IL1RAPL1: variants seen among roughly 807,000 people sequenced by gnomAD.
The protein encoded by IL1RAPL1 is interleukin-1 receptor accessory protein-like 1.
Under a neutral mutation model 48.4 loss-of-function variants are expected in IL1RAPL1, and 3 were observed. The observed-to-expected ratio is 0.06, with a 90% confidence interval of 0.03 to 0.16. IL1RAPL1 has a LOEUF of 0.16. Ranked by LOEUF, IL1RAPL1 falls within the 10% of genes least tolerant of loss-of-function variation. The pLI is 1.00. For missense variants in IL1RAPL1, 349 were observed against 530.6 expected (o/e 0.66, Z 3.36); for synonymous variants, 185 against 187.7 (o/e 0.99, Z 0.12).
intron 2 of IL1RAPL1, among the ~76,000 whole-genome samples, chrX:29,151,878 A>T (rs1929474199): frequency 9.0e-6 from 1 of 111,619 alleles, no homozygotes; most frequent in Non-Finnish European, 1.9e-5. Flanking sequence ...GAGAAAAGAT[A>T]CTGGCCAGGG....
chrX:29,734,868 G>T (rs1384156190), intron 6 of IL1RAPL1, among the ~76,000 whole-genome samples: 1 of 111,492 alleles, frequency 9.0e-6, no homozygotes, highest in African/African-American at 3.3e-5. Context: ...ATTCCCAGGG[G>T]AAAGCACCTG....
chrX:29,019,759 A>G (rs1450188285), intron 2 of IL1RAPL1, among the ~76,000 whole-genome samples: 1 of 112,422 alleles, frequency 8.9e-6, no homozygotes, highest in Non-Finnish European at 1.9e-5. Context: ...GCCTTTACAT[A>G]TTCCAGAAGT....
At chrX:29,490,212 AT>A (rs1290509722) in intron 5 of IL1RAPL1, among the ~76,000 whole-genome samples, 1 of 111,196 alleles carries the variant, frequency 9.0e-6, no homozygotes, top group Admixed American at 9.6e-5. Flanking sequence ...TAAAATTAAA[AT>A]TTAAAAAAAA....
At chrX:28,835,087 A>G (rs5943559) in intron 2 of IL1RAPL1, among the ~76,000 whole-genome samples, 54,578 of 110,452 alleles carry the variant, frequency 0.49, 10,640 homozygotes, top group East Asian at 0.8. Flanking sequence ...AAGAGGTATA[A>G]TGTTTGACCT....
At chrX:29,723,274 G>T (rs1383636726) in intron 6 of IL1RAPL1, among the ~76,000 whole-genome samples, 2 of 112,067 alleles carry the variant, frequency 1.8e-5, no homozygotes, top group Non-Finnish European at 3.8e-5. Context: ...TTTGAGAAAG[G>T]GTCTTGCTCT....
intron 2 of IL1RAPL1, among the ~76,000 whole-genome samples, chrX:29,079,747 C>T (rs1201935729): frequency 1.8e-5 from 2 of 110,656 alleles, no homozygotes; most frequent in Non-Finnish European, 3.8e-5. Context: ...ACATTTTTTT[C>T]TGAATGTAAG....
At chrX:29,602,887 C>T (rs1228081079) in intron 5 of IL1RAPL1, among the ~76,000 whole-genome samples, 1 of 106,497 alleles carries the variant, frequency 9.4e-6, no homozygotes, top group African/African-American at 3.5e-5. Flanking sequence ...TTGCATATAT[C>T]ATATAATCAT....
intron 6 of IL1RAPL1, among the ~76,000 whole-genome samples, chrX:29,750,207 A>G (rs1928425969): frequency 8.9e-6 from 1 of 112,277 alleles, no homozygotes; most frequent in Admixed American, 9.5e-5. Flanking sequence ...ACGTAAGAAC[A>G]TGAAACATTA....
intron 2 of IL1RAPL1, among the ~76,000 whole-genome samples, chrX:29,080,924 TTTTCTTTCTTTCTTTCTTTC>T (rs1270246223): frequency 2.1e-4 from 14 of 67,899 alleles, no homozygotes; most frequent in South Asian, 8.3e-4. Flanking sequence ...TTTAAATATT[TTTTCTTTCTTTCTTTCTTTC>T]TTTCTTTCTT....
chrX:29,915,824 G>A (rs1340074742), intron 6 of IL1RAPL1, among the ~76,000 whole-genome samples: 1 of 79,849 alleles, frequency 1.3e-5, no homozygotes, highest in African/African-American at 4.9e-5. Context: ...ATGTATACAT[G>A]TGCCATGCTG....
intron 1 of IL1RAPL1, among the ~76,000 whole-genome samples, chrX:28,764,235 C>T (rs927588908): frequency 1.8e-5 from 2 of 110,728 alleles, no homozygotes; most frequent in African/African-American, 3.3e-5. Flanking sequence ...AATGGGGCCA[C>T]GAGAATTCCA....
chrX:29,263,865 C>G (rs946224777), intron 2 of IL1RAPL1, among the ~76,000 whole-genome samples: 9 of 99,086 alleles, frequency 9.1e-5, no homozygotes, highest in East Asian at 3.6e-4. Context: ...CTCTCTCCCC[C>G]CCCCCCGCTC....
intron 3 of IL1RAPL1, among the ~76,000 whole-genome samples, chrX:29,363,381 C>G (rs1377058563): frequency 1.8e-5 from 2 of 111,466 alleles, no homozygotes; most frequent in Non-Finnish European, 3.8e-5. Context: ...GTACTATCAT[C>G]CCAAACATAG....
At chrX:28,742,835 A>C in intron 1 of IL1RAPL1, among the ~76,000 whole-genome samples, 1 of 111,731 alleles carries the variant, frequency 9.0e-6, no homozygotes, top group East Asian at 2.8e-4. Flanking sequence ...TGAAGAGTGC[A>C]AAGAACATAC....
chrX:29,297,821 C>T (rs1932471965), intron 3 of IL1RAPL1, among the ~76,000 whole-genome samples: 2 of 111,851 alleles, frequency 1.8e-5, no homozygotes, highest in South Asian at 7.3e-4. Flanking sequence ...CCTTTATTTA[C>T]TTAAAAAAGT....
intron 5 of IL1RAPL1, among the ~76,000 whole-genome samples, chrX:29,508,405 G>C (rs1935358960): frequency 9.0e-6 from 1 of 111,469 alleles, no homozygotes. Flanking sequence ...AAATTCAATG[G>C]TTACTGAATG....
At chrX:28,856,247 A>T (rs765371352) in intron 2 of IL1RAPL1, among the ~76,000 whole-genome samples, 31 of 111,828 alleles carry the variant, frequency 2.8e-4, no homozygotes, top group African/African-American at 9.7e-4. Context: ...TATGTGACTG[A>T]GAGTTCTCCC....
chrX:29,530,930 A>G (rs1162438169), intron 5 of IL1RAPL1, among the ~76,000 whole-genome samples: 1 of 112,218 alleles, frequency 8.9e-6, no homozygotes, highest in Non-Finnish European at 1.9e-5. Flanking sequence ...TCATCTGTAA[A>G]ATAGGGGCAG....
intron 5 of IL1RAPL1, among the ~76,000 whole-genome samples, chrX:29,618,030 A>G (rs1052768665): frequency 2.7e-5 from 3 of 111,842 alleles, no homozygotes; most frequent in Non-Finnish European, 5.6e-5. Context: ...TGGGTCTTAT[A>G]TTCTAGAGTC....
Sources: gnomAD v4.1 joint callset for allele counts (sites outside exome capture counted in the v4.1 genomes callset) on GRCh38, gnomAD v4.1.1 for gene constraint, MANE v1.5 for transcripts, NCBI Gene and HGNC (gene_info 2026-07-23, HGNC 2026-07-21) for gene names.